SLC14A2: variants seen among roughly 807,000 people sequenced by gnomAD.
SLC14A2 encodes the protein urea transporter 2.
SLC14A2 carries 91 observed loss-of-function variants against 104.6 expected under a neutral mutation model. The ratio of observed to expected loss-of-function variants is 0.87; its 90% CI spans 0.73 to 1.04. The LOEUF (loss-of-function observed/expected upper bound fraction) is 1.04. Ranked by LOEUF, SLC14A2 falls within the 50% of genes least tolerant of loss-of-function variation. SLC14A2 has a pLI of 0.00. For missense variants in SLC14A2, 1,189 were observed against 1,156.0 expected (o/e 1.03, Z -0.41); for synonymous variants, 476 against 466.4 (o/e 1.02, Z -0.27).
chr18:45,247,514 G>T (rs1034414729), intron 1 of SLC14A2, among the ~76,000 whole-genome samples: 9 of 152,060 alleles, frequency 5.9e-5, no homozygotes, highest in Non-Finnish European at 8.8e-5. Flanking sequence ...ACAAGCATTT[G>T]TTGATTTCTC....
At chr18:45,276,227 T>C (rs1348924092) in intron 1 of SLC14A2, among the ~76,000 whole-genome samples, 1 of 152,234 alleles carries the variant, frequency 6.6e-6, no homozygotes, top group Non-Finnish European at 1.5e-5. Flanking sequence ...ACAGGCGGCA[T>C]ATTTCATTTA....
At chr18:45,237,942 G>A (rs915134764) in intron 1 of SLC14A2, among the ~76,000 whole-genome samples, 1 of 152,106 alleles carries the variant, frequency 6.6e-6, no homozygotes, top group Non-Finnish European at 1.5e-5. Flanking sequence ...TGCTCTGTTG[G>A]CCTCTTGATG....
intron 1 of SLC14A2, among the ~76,000 whole-genome samples, chr18:45,479,759 G>C (rs1220028976): frequency 6.6e-6 from 1 of 152,118 alleles, no homozygotes; most frequent in Non-Finnish European, 1.5e-5. Context: ...AAAATTAAAG[G>C]CATAATGATG....
At chr18:45,168,021 T>C in the SLC14A2 span, among the ~76,000 whole-genome samples, 1 of 152,206 alleles carries the variant, frequency 6.6e-6, no homozygotes, top group Non-Finnish European at 1.5e-5. Context: ...TAACTCGGCA[T>C]GGCCAGCTCG....
chr18:45,454,586 T>C (rs919776396), intron 1 of SLC14A2, among the ~76,000 whole-genome samples: 1 of 152,252 alleles, frequency 6.6e-6, no homozygotes, highest in African/African-American at 2.4e-5. Flanking sequence ...CCCATGCCTA[T>C]GTCCTGAATG....
chr18:45,440,218 G>GT lies in SLC14A2; in HGVS notation c.-124-43002dup, dbSNP rs5824588. On this transcript the variant is annotated intron_variant, in intron 1 of 20. Transcript: ENST00000586448. ...CTGTTTCAGAGAAATCATTTTTCAA[G>GT]TTTTTTTTTTTTTAATTTTCTTCAT... 2.5e-3 allele frequency among the ~76,000 whole-genome samples: 368 copies of GT among 148,578 alleles called. 1 individual carries two copies. Among genetic ancestry groups the GT allele is most frequent in the African/African-American group, 4.4e-3 (179 of 40,456 alleles).
chr18:45,577,551 C>T (rs756899519), intron 2 of SLC14A2, among the ~76,000 whole-genome samples: 10 of 152,162 alleles, frequency 6.6e-5, no homozygotes, highest in Admixed American at 5.2e-4. Context: ...CTTTCCCCAT[C>T]CCTTAGAACC....
intron 2 of SLC14A2, among the ~76,000 whole-genome samples, chr18:45,605,543 T>C (rs2044854764): frequency 6.6e-6 from 1 of 152,180 alleles, no homozygotes; most frequent in Non-Finnish European, 1.5e-5. Context: ...GTAAGAAGAA[T>C]GGACTGTGGA....
intron 1 of SLC14A2, among the ~76,000 whole-genome samples, chr18:45,260,918 C>G (rs1168110260): frequency 1.3e-5 from 2 of 152,146 alleles, no homozygotes; most frequent in Non-Finnish European, 2.9e-5. Flanking sequence ...ACAGGACCAT[C>G]CGTACCCCAA....
intron 2 of SLC14A2, among the ~76,000 whole-genome samples, chr18:45,508,925 A>C (rs1048151615): frequency 7.2e-5 from 11 of 152,352 alleles, no homozygotes; most frequent in Middle Eastern, 6.8e-3. Context: ...GGGGTGACAG[A>C]TGACCTTTGA....
chr18:45,558,397 G>C (rs116954276), intron 2 of SLC14A2, among the ~76,000 whole-genome samples: 1,763 of 152,312 alleles, frequency 0.012, 18 homozygotes, highest in Non-Finnish European at 0.018. Flanking sequence ...CACTGGAGCA[G>C]TAGACACTGT....
chr18:45,595,003 C>T (rs2044701494), intron 2 of SLC14A2, among the ~76,000 whole-genome samples: 1 of 152,174 alleles, frequency 6.6e-6, no homozygotes. Context: ...GAATGTAATC[C>T]TTTCCTCTTT....
intron 1 of SLC14A2, among the ~76,000 whole-genome samples, chr18:45,295,302 A>ATTT (rs10647065): frequency 2.0e-5 from 3 of 146,972 alleles, no homozygotes; most frequent in African/African-American, 7.4e-5. Flanking sequence ...TTTTTAAAGC[A>ATTT]TTTTTTTTTT....
chr18:45,476,170 G>T (rs1309947558), intron 1 of SLC14A2, among the ~76,000 whole-genome samples: 1 of 152,112 alleles, frequency 6.6e-6, no homozygotes, highest in East Asian at 1.9e-4. Flanking sequence ...TGTAAGGCGG[G>T]CCTGGTGGTG....
chr18:45,234,766 G>GT (rs2084208467), intron 1 of SLC14A2, among the ~76,000 whole-genome samples: 1 of 152,158 alleles, frequency 6.6e-6, no homozygotes, highest in South Asian at 2.1e-4. Context: ...TTGCCCTGGA[G>GT]TTTCTAGAAC....
chr18:45,522,245 T>A (rs1210560337), intron 2 of SLC14A2, among the ~76,000 whole-genome samples: 1 of 152,202 alleles, frequency 6.6e-6, no homozygotes, highest in Non-Finnish European at 1.5e-5. Flanking sequence ...GTATGATGTG[T>A]TGTGAAAAGG....
intron 1 of SLC14A2, among the ~76,000 whole-genome samples, chr18:45,333,823 A>G (rs2085312715): frequency 6.6e-6 from 1 of 152,220 alleles, no homozygotes; most frequent in Non-Finnish European, 1.5e-5. Context: ...ATTGAGTGCC[A>G]AGCACTGAGC....
At chr18:45,658,992 C>T (rs1185058339) in intron 10 of SLC14A2, among the ~76,000 whole-genome samples, 5 of 152,126 alleles carry the variant, frequency 3.3e-5, no homozygotes, top group Admixed American at 6.5e-5. Flanking sequence ...GGGCAGGGAC[C>T]GTGCCCCTGA....
intron 2 of SLC14A2, among the ~76,000 whole-genome samples, chr18:45,525,028 A>G (rs1432843473): frequency 6.6e-6 from 1 of 152,142 alleles, no homozygotes; most frequent in East Asian, 1.9e-4. Flanking sequence ...AGCTTTTAAT[A>G]TCCACCTCCC....
Sources: gnomAD v4.1 joint callset for allele counts (sites outside exome capture counted in the v4.1 genomes callset) on GRCh38, gnomAD v4.1.1 for gene constraint, MANE v1.5 for transcripts, NCBI Gene and HGNC (gene_info 2026-07-23, HGNC 2026-07-21) for gene names.